The following RSRC1 variants were observed in gnomAD, a reference collection of about 807,000 sequenced individuals.
RSRC1 encodes the protein serine/Arginine-related protein 53.
In RSRC1, 39 loss-of-function variants were observed where a neutral mutation model predicts 49.1. That is an observed-to-expected ratio of 0.79 (90% CI 0.61 to 1.04). The LOEUF (loss-of-function observed/expected upper bound fraction) is 1.04. Among genes scored for constraint, RSRC1 ranks in the 50% least tolerant of loss-of-function variants. RSRC1 has a pLI of 0.00. For missense variants in RSRC1, 388 were observed against 402.4 expected, an observed-to-expected ratio of 0.96 and a Z score of 0.31; for synonymous variants, 143 against 130.8, an observed-to-expected ratio of 1.09 and a Z score of -0.63.
chr3:158,273,996 G>T (rs980974307), intron 4 of RSRC1, among the ~76,000 whole-genome samples: 12 of 152,184 alleles, frequency 7.9e-5, no homozygotes, highest in African/African-American at 2.6e-4. Flanking sequence ...CATAAACATG[G>T]TAATGACCCT....
At chr3:158,127,450 C>T (rs1331270097) in intron 3 of RSRC1, among the ~76,000 whole-genome samples, 1 of 151,786 alleles carries the variant, frequency 6.6e-6, no homozygotes, top group African/African-American at 2.4e-5. Context: ...TGCTTGACTG[C>T]GTTTGCTACT....
intron 3 of RSRC1, among the ~76,000 whole-genome samples, chr3:158,188,389 A>G (rs1720046563): frequency 6.6e-6 from 1 of 151,794 alleles, no homozygotes; most frequent in Non-Finnish European, 1.5e-5. Flanking sequence ...TCTTTGATAC[A>G]GTGCTTTGCA....
chr3:158,262,768 G>A (rs972458150), intron 4 of RSRC1, among the ~76,000 whole-genome samples: 14 of 151,564 alleles, frequency 9.2e-5, no homozygotes, highest in Non-Finnish European at 2.1e-4. Flanking sequence ...ACTTTAGAAG[G>A]TCTCTGACAT....
chr3:158,173,783 AC>A (rs1719024370), intron 3 of RSRC1, among the ~76,000 whole-genome samples: 1 of 151,998 alleles, frequency 6.6e-6, no homozygotes, highest in South Asian at 2.1e-4. Context: ...ATTAAAAGGA[AC>A]CAACCACTGA....
At chr3:158,408,650 A>G (rs576945307) in intron 6 of RSRC1, among the ~76,000 whole-genome samples, 49 of 152,306 alleles carry the variant, frequency 3.2e-4, no homozygotes, top group African/African-American at 1.2e-3. Context: ...AATATGTCCT[A>G]TGCAGGGACA....
chr3:158,470,111 A>T (rs1738062865), intron 7 of RSRC1, among the ~76,000 whole-genome samples: 2 of 152,054 alleles, frequency 1.3e-5, no homozygotes, highest in African/African-American at 4.8e-5. Flanking sequence ...ACATGCTAAT[A>T]TGTATTTTAA....
chr3:158,151,144 G>C (rs1355783008), intron 3 of RSRC1, among the ~76,000 whole-genome samples: 1 of 152,162 alleles, frequency 6.6e-6, no homozygotes, highest in Non-Finnish European at 1.5e-5. Flanking sequence ...CAAGAGAGAA[G>C]CATACAGATT....
intron 4 of RSRC1, among the ~76,000 whole-genome samples, chr3:158,225,215 T>C (rs1722462081): frequency 6.6e-6 from 1 of 151,878 alleles, no homozygotes; most frequent in Admixed American, 6.6e-5. Context: ...GGTTAAGTGA[T>C]ACATTTTTCC....
intron 4 of RSRC1, among the ~76,000 whole-genome samples, chr3:158,218,276 G>A (rs555831809): frequency 6.6e-6 from 1 of 151,782 alleles, no homozygotes; most frequent in African/African-American, 2.4e-5. Context: ...AGAGGGATAA[G>A]TAAGAGTGGA....
At chr3:158,460,071 G>A (rs542426154) in intron 6 of RSRC1, among the ~76,000 whole-genome samples, 5 of 151,930 alleles carry the variant, frequency 3.3e-5, no homozygotes, top group African/African-American at 4.8e-5. Context: ...TTATAATAAA[G>A]GCTCATCCAA....
At chr3:158,523,831 C>T (rs891990951) in intron 7 of RSRC1, among the ~76,000 whole-genome samples, 1 of 152,058 alleles carries the variant, frequency 6.6e-6, no homozygotes, top group African/African-American at 2.4e-5. Context: ...CTTTCCCAGA[C>T]ATTTTCCTGC....
intron 6 of RSRC1, among the ~76,000 whole-genome samples, chr3:158,428,088 T>A (rs1438593568): frequency 6.6e-6 from 1 of 151,748 alleles, no homozygotes; most frequent in African/African-American, 2.4e-5. Flanking sequence ...ATTTTAAGTC[T>A]TACTTCCACC....
At chr3:158,241,476 T>C (rs1349857842) in intron 4 of RSRC1, among the ~76,000 whole-genome samples, 2 of 151,260 alleles carry the variant, frequency 1.3e-5, no homozygotes, top group African/African-American at 4.8e-5. Flanking sequence ...ATATATATTA[T>C]AAAAATATTT....
intron 6 of RSRC1, among the ~76,000 whole-genome samples, chr3:158,372,741 A>G (rs1156614965): frequency 6.6e-6 from 1 of 151,980 alleles, no homozygotes; most frequent in African/African-American, 2.4e-5. Context: ...TTTAAATTCA[A>G]CTGGAATTTT....
chr3:158,262,047 C>G (rs1482572125), intron 4 of RSRC1, among the ~76,000 whole-genome samples: 1 of 152,092 alleles, frequency 6.6e-6, no homozygotes, highest in Non-Finnish European at 1.5e-5. Flanking sequence ...TTCTTGGTGC[C>G]AAAAAGGTTG....
chr3:158,155,598 CT>C (rs34972266), intron 3 of RSRC1, among the ~76,000 whole-genome samples: 76 of 133,902 alleles, frequency 5.7e-4, no homozygotes, highest in Middle Eastern at 3.8e-3. Context: ...AGCCTAGCTA[CT>C]TTTTTTTTTT....
At chr3:158,428,947 G>A (rs889055908) in intron 6 of RSRC1, among the ~76,000 whole-genome samples, 10 of 151,840 alleles carry the variant, frequency 6.6e-5, no homozygotes, top group Admixed American at 2.0e-4. Flanking sequence ...TATGCAGGTC[G>A]AAAGGCAGGT....
intron 3 of RSRC1, among the ~76,000 whole-genome samples, chr3:158,145,349 T>C (rs1463236541): frequency 6.6e-6 from 1 of 152,246 alleles, no homozygotes; most frequent in Non-Finnish European, 1.5e-5. Flanking sequence ...TTTCTACATA[T>C]GGCTAGCCAG....
At chr3:158,480,736 CTT>C (rs770442718) in intron 7 of RSRC1, among the ~76,000 whole-genome samples, 2 of 151,956 alleles carry the variant, frequency 1.3e-5, no homozygotes, top group Non-Finnish European at 2.9e-5. Flanking sequence ...TAAACAAAAA[CTT>C]TGTGCATTTT....
Sources: gnomAD v4.1 joint callset for allele counts (sites outside exome capture counted in the v4.1 genomes callset) on GRCh38, gnomAD v4.1.1 for gene constraint, MANE v1.5 for transcripts, NCBI Gene and HGNC (gene_info 2026-07-23, HGNC 2026-07-21) for gene names.